The following TENM4 variants were observed in gnomAD, a reference collection of about 807,000 sequenced individuals.
The protein encoded by TENM4 is teneurin-4.
In TENM4, 82 loss-of-function variants were observed where a neutral mutation model predicts 243.3. That is an observed-to-expected ratio of 0.34 (90% CI 0.28 to 0.40). The LOEUF is 0.40. TENM4 is among the 10% of genes least tolerant of loss of function. The probability of loss-of-function intolerance (pLI) is 1.00; values close to 1 mark genes in which losing one functional copy is unlikely to be tolerated. For missense variants in TENM4, 3,138 were observed against 3,673.3 expected (o/e 0.85, Z 3.77); for synonymous variants, 1,412 against 1,456.3 (o/e 0.97, Z 0.69).
intron 3 of TENM4, among the ~76,000 whole-genome samples, chr11:79,210,346 A>T (rs1863933027): frequency 6.6e-6 from 1 of 152,202 alleles, no homozygotes; most frequent in African/African-American, 2.4e-5. Flanking sequence ...GGGATTATGG[A>T]TTGTCTGCTG....
intron 1 of TENM4, among the ~76,000 whole-genome samples, chr11:79,383,330 C>A (rs507245): frequency 0.51 from 77,187 of 152,060 alleles, 19,700 homozygotes; most frequent in Non-Finnish European, 0.55. Context: ...TGCCTTGCCC[C>A]TTTAGACCTG....
intron 4 of TENM4, among the ~76,000 whole-genome samples, chr11:79,119,602 C>T (rs948961162): frequency 1.1e-4 from 17 of 152,314 alleles, no homozygotes; most frequent in African/African-American, 3.4e-4. Context: ...AGATTCCTAA[C>T]GCTCATTAAG....
rs1374209332 is a variant in TENM4, at chr11:78,856,156, T to C, written c.1278A>G (p.Pro426=). The C allele has an allele frequency of 6.4e-7, 1 of 1,551,448 alleles. No homozygotes were observed. The highest frequency in any genetic ancestry group is 1.4e-5 in the African/African-American group (1 of 73,000). ...TTEGKPSSFF[P]EDSFIDSGEI... is the part of the protein sequence containing the mutation. ...CTCCAGAATCTATGAAACTGTCCTC[T>C]GGAAAGAAACTACTGGGCTTTCCTA... Residue 426 remains proline, a synonymous_variant, in exon 11 of 34, where the codon CCA becomes CCG. Transcript: ENST00000278550.
Position 78,702,192 on chromosome 11 carries a change from G to C in TENM4, c.4421C>G (p.Ala1474Gly). The change falls in exon 28 of 34, where the codon GCT becomes GGT. Residue 1474 changes from alanine (A) to glycine (G), a missense_variant. Around this residue, in one of 2 missense-constraint regions of TENM4, gnomAD observed 2,467 missense variants for 3,059.1 expected, o/e 0.81. Coordinates refer to ENST00000278550, the MANE Select transcript of TENM4 (RefSeq NM_001098816.3). ...HATLESATAL[A>G]VSHNGVLYIA... ...ATACAGGACCCCATTGTGTGAAACA[G>C]CCAAAGCGGTGGCTGACTCCAGGGT... 2 of 1,614,054 alleles carry C rather than the reference G, an allele frequency of 1.2e-6. No individual in the cohort carries two copies. Among genetic ancestry groups the C allele is most frequent in the African/African-American group, 1.3e-5 (1 of 75,068 alleles).
chr11:78,832,341 G>A (rs1047516666), intron 12 of TENM4, among the ~76,000 whole-genome samples: 2 of 152,212 alleles, frequency 1.3e-5, no homozygotes, highest in East Asian at 1.9e-4. Context: ...TGCTGTCAAC[G>A]TTAAGTCTTC....
intron 6 of TENM4, among the ~76,000 whole-genome samples, chr11:78,981,390 A>C (rs961018420): frequency 6.6e-6 from 1 of 152,146 alleles, no homozygotes; most frequent in Admixed American, 6.5e-5. Flanking sequence ...ATTATCTTCC[A>C]TTTGTAGCAG....
chr11:79,172,430 C>G (rs1208041824), intron 3 of TENM4, among the ~76,000 whole-genome samples: 2 of 152,156 alleles, frequency 1.3e-5, no homozygotes, highest in African/African-American at 4.8e-5. Flanking sequence ...CTACTTTACC[C>G]CTATCCATTC....
At chr11:79,429,583 T>C (rs1165351729) in intron 1 of TENM4, among the ~76,000 whole-genome samples, 1 of 152,080 alleles carries the variant, frequency 6.6e-6, no homozygotes, top group Non-Finnish European at 1.5e-5. Context: ...GATGGAAGCA[T>C]AGACAATCCA....
chr11:78,820,027 G>A (rs1009448706), intron 12 of TENM4, among the ~76,000 whole-genome samples: 1 of 152,016 alleles, frequency 6.6e-6, no homozygotes, highest in Admixed American at 6.6e-5. Context: ...TATACTTCAG[G>A]TTACACCTAT....
intron 3 of TENM4, among the ~76,000 whole-genome samples, chr11:79,198,856 G>A (rs1863687345): frequency 6.6e-6 from 1 of 152,168 alleles, no homozygotes; most frequent in African/African-American, 2.4e-5. Flanking sequence ...ACGGGGACTA[G>A]GAGAAAGATT....
At chr11:79,243,795 C>T (rs559212559) in intron 2 of TENM4, among the ~76,000 whole-genome samples, 11 of 152,320 alleles carry the variant, frequency 7.2e-5, no homozygotes, top group South Asian at 2.1e-4. Flanking sequence ...TCAGATAAGT[C>T]ATGTGCCAGC....
chr11:79,287,662 C>T (rs549154032), intron 2 of TENM4, among the ~76,000 whole-genome samples: 3 of 152,202 alleles, frequency 2.0e-5, no homozygotes, highest in African/African-American at 7.2e-5. Context: ...ACTGAGGTAA[C>T]ACTGAGGACC....
chr11:79,034,171 A>G (rs559632192), intron 6 of TENM4, among the ~76,000 whole-genome samples: 1 of 152,356 alleles, frequency 6.6e-6, no homozygotes, highest in South Asian at 2.1e-4. Context: ...TTACAGTTGT[A>G]GAAATTTCAG....
At chr11:79,022,136 A>T (rs1858945242) in intron 6 of TENM4, among the ~76,000 whole-genome samples, 1 of 152,204 alleles carries the variant, frequency 6.6e-6, no homozygotes, top group South Asian at 2.1e-4. Flanking sequence ...AAATAATCTG[A>T]TGCTTTACCG....
chr11:79,374,022 G>C (rs1019546474), intron 1 of TENM4, among the ~76,000 whole-genome samples: 1 of 152,112 alleles, frequency 6.6e-6, no homozygotes, highest in Non-Finnish European at 1.5e-5. Context: ...GGCAAGCCTG[G>C]GTTGATGGAC....
At chr11:79,426,824 A>G (rs1415170766) in intron 1 of TENM4, among the ~76,000 whole-genome samples, 1 of 152,210 alleles carries the variant, frequency 6.6e-6, no homozygotes, top group East Asian at 1.9e-4. Flanking sequence ...GATTATTCAA[A>G]TAAAAATAGC....
Position 78,669,246 on chromosome 11 carries a change from G to T in TENM4, c.7099C>A (p.Leu2367Ile). Reference protein sequence around the residue: ...YIACDNIGTPLAVFSGTGLMI... With the variant: ...YIACDNIGTPIAVFSGTGLMI... ...AAACCTGTTCCACTAAAGACAGCAA[G>T]AGGGGTCCCGATGTTGTCACAAGCT... Residue 2367 changes from leucine (L) to isoleucine (I), a missense_variant, in exon 32 of 34, where the codon CTT becomes ATT. Around this residue, in one of 2 missense-constraint regions of TENM4, gnomAD observed 2,467 missense variants for 3,059.1 expected, o/e 0.81. Coordinates refer to ENST00000278550, the MANE Select transcript of TENM4 (RefSeq NM_001098816.3). The surrounding 1 kb of genome is among the most constrained non-coding windows in gnomAD (Gnocchi z 6.4). 1 of 1,614,004 alleles carries T rather than the reference G, an allele frequency of 6.2e-7. No homozygotes were observed. Among genetic ancestry groups the T allele is most frequent in the South Asian group, 1.1e-5 (1 of 91,080 alleles).
At chr11:79,063,770 T>A (rs1310035167) in intron 6 of TENM4, among the ~76,000 whole-genome samples, 1 of 152,090 alleles carries the variant, frequency 6.6e-6, no homozygotes, top group East Asian at 1.9e-4. Flanking sequence ...TCCTCCACCA[T>A]GAAAAGGAGG....
intron 4 of TENM4, among the ~76,000 whole-genome samples, chr11:79,135,149 C>T (rs1862081948): frequency 6.6e-6 from 1 of 151,416 alleles, no homozygotes; most frequent in Non-Finnish European, 1.5e-5. Flanking sequence ...AATCAGTAAG[C>T]AAAAAACAAA....
Sources: gnomAD v4.1 joint callset for allele counts (sites outside exome capture counted in the v4.1 genomes callset) on GRCh38, gnomAD v4.1.1 for gene constraint, gnomAD v4.1.1 regional missense constraint, Gnocchi (gnomAD v3.1) non-coding constraint, MANE v1.5 for transcripts, NCBI Gene and HGNC (gene_info 2026-07-23, HGNC 2026-07-21) for gene names.